The following MAGI1 variants were observed in gnomAD, a reference collection of about 807,000 sequenced individuals.
The protein encoded by MAGI1 is membrane associated guanylate kinase, WW and PDZ domain containing 1.
A neutral mutation model predicts 139.9 loss-of-function variants in MAGI1; 58 were observed. That is an observed-to-expected ratio of 0.41 (90% CI 0.34 to 0.52). MAGI1 has a LOEUF of 0.52. Among genes scored for constraint, MAGI1 ranks in the 20% least tolerant of loss-of-function variants. The probability of loss-of-function intolerance (pLI) is 0.12; values close to 1 mark genes in which losing one functional copy is unlikely to be tolerated. For missense variants in MAGI1, 1,874 were observed against 1,901.6 expected (o/e 0.99, Z 0.27); for synonymous variants, 812 against 737.9 (o/e 1.10, Z -1.63).
At chr3:65,558,916 A>G (rs1178364425) in intron 2 of MAGI1, among the ~76,000 whole-genome samples, 2 of 152,226 alleles carry the variant, frequency 1.3e-5, no homozygotes, top group African/African-American at 4.8e-5. Flanking sequence ...AAAACAATGA[A>G]TCTTCTAAAG....
intron 18 of MAGI1, among the ~76,000 whole-genome samples, chr3:65,369,282 G>A (rs528754138): frequency 7.1e-4 from 108 of 152,282 alleles, no homozygotes; most frequent in African/African-American, 2.2e-3. Context: ...TGGAGGTTTT[G>A]TTGGAAAAGT....
chr3:65,792,461 G>A (rs923790717), intron 1 of MAGI1, among the ~76,000 whole-genome samples: 1 of 151,898 alleles, frequency 6.6e-6, no homozygotes, highest in African/African-American at 2.4e-5. Flanking sequence ...TCTCTCAAAC[G>A]ATGATAATAA....
chr3:65,646,940 A>C (rs2085300243), intron 1 of MAGI1, among the ~76,000 whole-genome samples: 1 of 152,134 alleles, frequency 6.6e-6, no homozygotes, highest in African/African-American at 2.4e-5. Flanking sequence ...AGAAGATTCA[A>C]ATCAATAAAC....
At chr3:65,505,497 T>C (rs575784278) in intron 2 of MAGI1, among the ~76,000 whole-genome samples, 66 of 151,828 alleles carry the variant, frequency 4.3e-4, no homozygotes, top group Middle Eastern at 6.9e-3. Flanking sequence ...TTTTTTAAAT[T>C]AGCCAGATAT....
At chr3:65,856,217 T>A (rs1310460097) in intron 1 of MAGI1, among the ~76,000 whole-genome samples, 1 of 152,044 alleles carries the variant, frequency 6.6e-6, no homozygotes, top group East Asian at 1.9e-4. Context: ...AGGTAGGGTG[T>A]CCAGGCATCG....
chr3:65,735,075 A>C (rs1224191703), intron 1 of MAGI1, among the ~76,000 whole-genome samples: 1 of 152,164 alleles, frequency 6.6e-6, no homozygotes, highest in Non-Finnish European at 1.5e-5. Context: ...ATAATAAATT[A>C]CTCCTGAAAC....
intron 1 of MAGI1, among the ~76,000 whole-genome samples, chr3:65,881,386 G>A (rs559095795): frequency 6.6e-6 from 1 of 152,224 alleles, no homozygotes; most frequent in South Asian, 2.1e-4. Flanking sequence ...CAGCACTTTG[G>A]GGGGCCAAGG....
chr3:65,427,079 C>T lies in MAGI1; in HGVS notation c.2167+2441G>A, dbSNP rs775868313. On this transcript the variant is annotated intron_variant, in intron 12 of 22. Transcript: ENST00000402939. ...CTGTAATCCTAGCACTTCGGGAGGC[C>T]GAGGCAGGTGGATCCCTTGAGCGCG... Among the ~76,000 whole-genome samples, 4 of 152,034 alleles carry T rather than the reference C, an allele frequency of 2.6e-5. No individual in the cohort carries two copies. The East Asian group carries it at 5.8e-4, about 22-fold the overall frequency.
At chr3:65,726,803 T>C (rs935642348) in intron 1 of MAGI1, among the ~76,000 whole-genome samples, 3 of 152,022 alleles carry the variant, frequency 2.0e-5, no homozygotes, top group African/African-American at 2.4e-5. Flanking sequence ...AGCATCTTGA[T>C]AGGGCTTCAA....
chr3:65,870,485 C>A (rs1207741461), intron 1 of MAGI1, among the ~76,000 whole-genome samples: 2 of 151,548 alleles, frequency 1.3e-5, no homozygotes, highest in East Asian at 3.9e-4. Flanking sequence ...ATGAATGGAC[C>A]AAGGCAGTGA....
chr3:65,911,098 T>C (rs542831191), intron 1 of MAGI1, among the ~76,000 whole-genome samples: 14 of 151,852 alleles, frequency 9.2e-5, no homozygotes, highest in African/African-American at 2.9e-4. Context: ...CCTCAGGCGA[T>C]CCGCCTGCCT....
At chr3:65,742,897 G>T (rs910995169) in intron 1 of MAGI1, among the ~76,000 whole-genome samples, 1 of 152,116 alleles carries the variant, frequency 6.6e-6, no homozygotes, top group Non-Finnish European at 1.5e-5. Context: ...ATATGTCTGG[G>T]AAATGTTTGC....
At chr3:65,708,557 AAGGCTTGGGGGCAGTC>A (rs2030793447) in intron 1 of MAGI1, among the ~76,000 whole-genome samples, 1 of 152,124 alleles carries the variant, frequency 6.6e-6, no homozygotes, top group Non-Finnish European at 1.5e-5. Flanking sequence ...TCTTCTAGTT[AAGGCTTGGGGGCAGTC>A]AGGTGGGCAA....
intron 1 of MAGI1, among the ~76,000 whole-genome samples, chr3:65,795,572 T>C (rs1219522018): frequency 2.0e-5 from 3 of 152,164 alleles, no homozygotes; most frequent in African/African-American, 4.8e-5. Flanking sequence ...ATACACTGGA[T>C]GGCCCTGTAG....
At chr3:66,026,787 T>C (rs2068288914) in intron 1 of MAGI1, among the ~76,000 whole-genome samples, 1 of 151,930 alleles carries the variant, frequency 6.6e-6, no homozygotes, top group East Asian at 1.9e-4. Context: ...CACCGTTTTT[T>C]GGCAGGAAAC....
chr3:65,722,098 CA>C (rs2033099022), intron 1 of MAGI1, among the ~76,000 whole-genome samples: 1 of 152,136 alleles, frequency 6.6e-6, no homozygotes, highest in Non-Finnish European at 1.5e-5. Flanking sequence ...AGTGCTCTCA[CA>C]GTAGAGCAAG....
intron 1 of MAGI1, among the ~76,000 whole-genome samples, chr3:65,984,350 C>A (rs572064579): frequency 6.6e-6 from 1 of 152,006 alleles, no homozygotes; most frequent in Non-Finnish European, 1.5e-5. Flanking sequence ...TAGAAAGATG[C>A]GGTTTTGCAT....
intron 12 of MAGI1, among the ~76,000 whole-genome samples, chr3:65,411,963 T>C (rs1945830175): frequency 2.0e-5 from 3 of 152,180 alleles, no homozygotes; most frequent in Admixed American, 2.0e-4. Flanking sequence ...AACTGGTCTC[T>C]GCTTTATGGT....
At chr3:65,593,689 G>C (rs1286998919) in intron 2 of MAGI1, among the ~76,000 whole-genome samples, 2 of 152,118 alleles carry the variant, frequency 1.3e-5, no homozygotes, top group Non-Finnish European at 2.9e-5. Flanking sequence ...TAAGGTCAAA[G>C]TTCTTAATGT....
Sources: gnomAD v4.1 joint callset for allele counts (sites outside exome capture counted in the v4.1 genomes callset) on GRCh38, gnomAD v4.1.1 for gene constraint, MANE v1.5 for transcripts, NCBI Gene and HGNC (gene_info 2026-07-23, HGNC 2026-07-21) for gene names.